Variants in DPF2 observed in about 807,000 individuals in gnomAD.
The protein encoded by DPF2 is zinc finger protein ubi-d4.
In DPF2, 10 loss-of-function variants were observed where a neutral mutation model predicts 59.6. The observed-to-expected ratio is 0.17, with a 90% CI of 0.10 to 0.28. The LOEUF is 0.28. DPF2 is among the 10% of genes least tolerant of loss of function. The pLI, the probability that DPF2 is intolerant of heterozygous loss-of-function variation, is 1.00. For synonymous variants in DPF2, 189 were observed against 190.6 expected (o/e 0.99, Z 0.07); for missense variants, 315 against 509.4 (o/e 0.62, Z 3.67).
intron 4 of DPF2, among the ~76,000 whole-genome samples, chr11:65,342,875 G>T (rs551622535): frequency 6.6e-6 from 1 of 150,768 alleles, no homozygotes; most frequent in Admixed American, 6.6e-5. Flanking sequence ...TTAGCCAGGC[G>T]TGGTGGTGGG....
intron 1 of DPF2, among the ~76,000 whole-genome samples, chr11:65,336,532 C>G (rs920896919): frequency 7.2e-5 from 11 of 151,730 alleles, no homozygotes; most frequent in Non-Finnish European, 1.6e-4. Flanking sequence ...TGGCTCATGC[C>G]TGTAATCCCA....
At chr11:65,344,190 T>C in intron 6 of DPF2, 121 bp downstream of exon 6, 3 of 1,023,140 alleles carry the variant, frequency 2.9e-6, no homozygotes, top group Non-Finnish European at 4.5e-6. Flanking sequence ...GCTCTTGTCC[T>C]GCCTGCTGAC....
intron 1 of DPF2, among the ~76,000 whole-genome samples, chr11:65,338,364 C>T (rs1854268085): frequency 6.6e-6 from 1 of 152,188 alleles, no homozygotes; most frequent in African/African-American, 2.4e-5. Context: ...GTTTGCCTGC[C>T]TTATGTAGCT....
At chr11:65,344,555 C>T in intron 6 of DPF2, 1 of 1,535,864 alleles carries the variant, frequency 6.5e-7, no homozygotes, top group South Asian at 1.2e-5. Context: ...GCCTTCTTCT[C>T]ATGACTTTTC....
At chr11:65,340,679 AT>A in intron 2 of DPF2, 134 bp downstream of exon 2, 1 of 1,290,496 alleles carries the variant, frequency 7.7e-7, no homozygotes. Flanking sequence ...TCTTCCTGTG[AT>A]TAGAAACCCA....
At chr11:65,350,982 G>GA (rs1004003423) in intron 10 of DPF2, among the ~76,000 whole-genome samples, 86 of 132,684 alleles carry the variant, frequency 6.5e-4, no homozygotes, top group South Asian at 1.9e-3. Context: ...TCTTGTCTCA[G>GA]AAAAAAAAAA....
chr11:65,340,919 T>C (rs1854348337), intron 2 of DPF2, 47 bp from the exon 3 acceptor site: 1 of 1,575,264 alleles, frequency 6.3e-7, no homozygotes, highest in African/African-American at 1.4e-5. Context: ...GGTATTACTT[T>C]CTAATACTGG....
At chr11:65,336,562 C>T (rs577754714) in intron 1 of DPF2, among the ~76,000 whole-genome samples, 1,627 of 150,840 alleles carry the variant, frequency 0.011, 18 homozygotes, top group Non-Finnish European at 0.017. Flanking sequence ...GAGTCCGAGG[C>T]GGGCAGATCA....
At chr11:65,344,273 A>G in intron 6 of DPF2, 1 of 631,060 alleles carries the variant, frequency 1.6e-6, no homozygotes, top group Non-Finnish European at 2.8e-6. Context: ...GCTCTGGGAA[A>G]GATTTCTGCC....
intron 1 of DPF2, among the ~76,000 whole-genome samples, chr11:65,338,320 G>T (rs1468006821): frequency 1.3e-5 from 2 of 152,128 alleles, no homozygotes; most frequent in Admixed American, 1.3e-4. Flanking sequence ...CCACACTTCA[G>T]TGTTTCCTTC....
Position 65,340,622 on chromosome 11 carries a change from A to G in DPF2, c.193+77A>G, listed in dbSNP as rs1854336060. On this transcript the variant is annotated intron_variant, in intron 2 of 10. Coordinates refer to ENST00000528416, the MANE Select transcript of DPF2 (RefSeq NM_006268.5). ...GCCTCCTCATCTTAGGTGATGAGAC[A>G]GTTGATAGGGTTTTCCCTACTGCCT... 1.9e-6 allele frequency: 3 copies of G among 1,567,234 alleles called. No homozygotes were observed. The South Asian group carries it at 3.5e-5, about 18-fold the overall frequency.
At position 65,337,474 on chromosome 11, in the gene DPF2, AATATATATAT is replaced by A. The variant is rs1196397460; in HGVS notation, c.33-2889_33-2880del. 5.5e-3 allele frequency among the ~76,000 whole-genome samples: 256 copies of A among 46,438 alleles called. 11 individuals carry two copies. The East Asian group carries it at 0.057, about 10-fold the overall frequency. 30.5% of individuals were successfully genotyped at this position (46,438 alleles called of 152,430 possible). ...TCTCAAAAAAAAAAAAAAAAAAAAAAATATATATATATATATATATATATATATATAGAGA... is the reference window on the plus strand; with the variant it reads ...TCTCAAAAAAAAAAAAAAAAAAAAAAATATATATATATATATATATAGAGA... On this transcript the variant is annotated intron_variant, in intron 1 of 10. Coordinates refer to ENST00000528416, the MANE Select transcript of DPF2 (RefSeq NM_006268.5).
At position 65,344,012 on chromosome 11, in the gene DPF2, C is replaced by T. The variant is rs756297367; in HGVS notation, c.580C>T (p.Arg194Cys). The change falls in exon 6 of 11, where the codon CGT (arginine) becomes TGT (cysteine). Residue 194 changes from arginine (R) to cysteine (C), a missense_variant. Physicochemically the swap from Arg to Cys is radical, Grantham distance 180. This residue lies in a region of DPF2 where 228 missense variants were observed against 275.3 expected (regional missense o/e 0.83). Coordinates refer to ENST00000528416, the MANE Select transcript of DPF2 (RefSeq NM_006268.5). Reference protein sequence around the residue: ...KSKGKGVGSARKKLDASILED... With the variant: ...KSKGKGVGSACKKLDASILED... ...GCAGGGTAAGGGTGTGGGCAGTGCC[C>T]GTAAGAAGCTGGATGCTTCCATCCT... 5 of 1,614,150 alleles carry T rather than the reference C, an allele frequency of 3.1e-6. No homozygotes were observed. Among genetic ancestry groups the T allele is most frequent in the Non-Finnish European group, 4.2e-6 (5 of 1,180,030 alleles).
Position 65,344,284 on chromosome 11 carries a change from ATCC to A in DPF2, c.637+218_637+220del, listed in dbSNP as rs1349729513. ...GCATGCTCTGGGAAAGATTTCTGCC[ATCC>A]TCTGGGGTAGGGTTGCTTGTGGGGG... On this transcript the variant is annotated intron_variant, in intron 6 of 10. Coordinates refer to ENST00000528416, the MANE Select transcript of DPF2 (RefSeq NM_006268.5). The A allele has an allele frequency of 4.8e-6, 3 of 626,574 alleles. No individual in the cohort carries two copies. The East Asian group carries it at 8.2e-5, about 17-fold the overall frequency. 38.8% of individuals were successfully genotyped at this position (626,574 alleles called of 1,614,324 possible). A position where few individuals can be genotyped will look rare whatever the true frequency, so the allele number is the denominator to read the frequency against.
rs778840846 is a variant in DPF2 at position 65,340,554 on chromosome 11, C to A, written c.193+9C>A. 6.2e-7 allele frequency: 1 copy of A among 1,613,720 alleles called. No individual in the cohort carries two copies. The highest frequency in any genetic ancestry group is 2.2e-5 in the East Asian group (1 of 44,898). On this transcript the variant is annotated intron_variant, in intron 2 of 10. Coordinates refer to ENST00000528416, the MANE Select transcript of DPF2 (RefSeq NM_006268.5). ...GCGACACCGGGGTCCAGGTGAGGGT[C>A]CAGACTTGGGAGAAGGGGACTCAGG...
rs1366654356 is a variant in DPF2, at chr11:65,344,079, T to G, written c.637+10T>G. Reference sequence around the variant, plus strand: ...CCCTATGCCTGTGACAGTGAGTGCCTCACAAGTGGGTGGGTAGACCTTGCC... The same window carrying G: ...CCCTATGCCTGTGACAGTGAGTGCCGCACAAGTGGGTGGGTAGACCTTGCC... On this transcript the variant is annotated intron_variant, in intron 6 of 10. Coordinates refer to ENST00000528416, the MANE Select transcript of DPF2 (RefSeq NM_006268.5). 2 of 1,613,878 alleles carry G rather than the reference T, an allele frequency of 1.2e-6. No homozygotes were observed. The highest frequency in any genetic ancestry group is 2.7e-5 in the African/African-American group (2 of 74,924).
chr11:65,335,521 C>T (rs1462067236), intron 1 of DPF2, among the ~76,000 whole-genome samples: 6 of 152,164 alleles, frequency 3.9e-5, no homozygotes, highest in Non-Finnish European at 8.8e-5. Context: ...TTAAACAGAG[C>T]GTGACATCTT....
At chr11:65,342,110 AAATT>A (rs1854391995) in intron 4 of DPF2, 1 of 151,352 alleles carries the variant, frequency 6.6e-6, no homozygotes, top group African/African-American at 2.4e-5. Context: ...CAAAAAAAAA[AAATT>A]AAAACCAGAA....
chr11:65,348,958 A>G, intron 10 of DPF2, 27 bp downstream of exon 10: 1 of 1,609,290 alleles, frequency 6.2e-7, no homozygotes. Flanking sequence ...TTTTACTCAG[A>G]ACAATTACTT....
Sources: gnomAD v4.1 joint callset for allele counts (sites outside exome capture counted in the v4.1 genomes callset) on GRCh38, gnomAD v4.1.1 for gene constraint, gnomAD v4.1.1 regional missense constraint, MANE v1.5 for transcripts, NCBI Gene and HGNC (gene_info 2026-07-23, HGNC 2026-07-21) for gene names.